The following SAMD11 variants were observed in gnomAD, a reference collection of about 807,000 sequenced individuals.
SAMD11 encodes sterile alpha motif domain containing 11.
In SAMD11, 77 loss-of-function variants were observed where a neutral mutation model predicts 64.4. The ratio of observed to expected loss-of-function variants is 1.20; its 90% CI spans 0.99 to 1.44. The LOEUF (loss-of-function observed/expected upper bound fraction) is 1.44, where lower values mean the gene tolerates loss of function less well. Among genes scored for constraint, SAMD11 ranks in the 40% most tolerant of loss-of-function variants. The probability of loss-of-function intolerance (pLI) is 0.00; values close to 1 mark genes in which losing one functional copy is unlikely to be tolerated. For missense variants in SAMD11, 1,402 were observed against 943.3 expected (o/e 1.49, Z -6.37); for synonymous variants, 658 against 421.9 (o/e 1.56, Z -6.86).
Position 941,322 on chromosome 1 carries a change from C to T in SAMD11, c.1358+16C>T. On this transcript the variant is annotated intron_variant, in intron 8 of 13. Transcript: ENST00000616016. ...TCTCGGAGAGGTACTGGGGTGGCTG[C>T]CGTTCTCTGCTTGTTTCTGGGGTGC... 2 of 1,534,116 alleles carry T rather than the reference C, an allele frequency of 1.3e-6. No individual in the cohort carries two copies. The highest frequency in any genetic ancestry group is 1.8e-6 in the Non-Finnish European group (2 of 1,141,502).
Position 943,946 on chromosome 1 carries a change from C to G in SAMD11, c.2328C>G (p.Ser776Arg). The G allele has an allele frequency of 6.2e-7, 1 of 1,612,694 alleles. No individual in the cohort carries two copies. Among genetic ancestry groups the G allele is most frequent in the Non-Finnish European group, 8.5e-7 (1 of 1,179,850 alleles). The change falls in exon 14 of 14, where the codon AGC (serine) becomes AGG (arginine). Residue 776 changes from serine to arginine, a missense_variant. Transcript: ENST00000616016. ...TGGGCCGAGTTTTCTACGTGGCCAG[C>G]TTCCCCGTGGCTCTGCCACTGCAGC... is the stretch of plus-strand genomic sequence containing the variant. ...RRLGRVFYVA[S>R]FPVALPLQPP...
intron 5 of SAMD11, among the ~76,000 whole-genome samples, chr1:937,869 C>T (rs905635752): frequency 1.3e-5 from 2 of 152,198 alleles, no homozygotes; most frequent in African/African-American, 2.4e-5. Flanking sequence ...TCGGTGTGGC[C>T]GCCGCACTTC....
intron 5 of SAMD11, 109 bp downstream of exon 5, chr1:936,005 G>T: frequency 8.4e-7 from 1 of 1,187,840 alleles, no homozygotes; most frequent in Non-Finnish European, 1.2e-6. Context: ...GAGGCAGGAG[G>T]AGCGGCCTGT....
intron 7 of SAMD11, among the ~76,000 whole-genome samples, chr1:940,717 T>C (rs1006371166): frequency 1.3e-5 from 2 of 152,200 alleles, no homozygotes; most frequent in Non-Finnish European, 2.9e-5. Context: ...TGACAAGCTT[T>C]GGCCAGCCGC....
At chr1:929,374 C>T (rs1191296346) in intron 2 of SAMD11, among the ~76,000 whole-genome samples, 3 of 152,196 alleles carry the variant, frequency 2.0e-5, no homozygotes, top group Non-Finnish European at 4.4e-5. Context: ...GTTTGCGGAA[C>T]AGGGGACCTG....
Position 940,953 on chromosome 1 carries a change from C to T in SAMD11, c.1196-191C>T, listed in dbSNP as rs374219192. ...AAGAGCTTTTCCCGACACTTCCTCG[C>T]CCAGCATCTTGTCTGCCGTCTCGGC... On this transcript the variant is annotated intron_variant, in intron 7 of 13. Transcript: ENST00000616016. 3.7e-4 allele frequency: 199 copies of T among 533,568 alleles called. No individual in the cohort carries two copies. In the African/African-American group the frequency reaches 3.8e-3, roughly 10 times the overall value. 33.1% of individuals were successfully genotyped at this position (533,568 alleles called of 1,614,324 possible).
At chr1:935,708 C>T (rs866142060) in intron 4 of SAMD11, 64 bp from the exon 5 acceptor site, 1 of 1,603,830 alleles carries the variant, frequency 6.2e-7, no homozygotes, top group Non-Finnish European at 8.5e-7. Context: ...ACTCCCTGTG[C>T]CCAGGCTGGG....
At position 943,565 on chromosome 1, in the gene SAMD11, C is replaced by T. The variant is rs1413241886; in HGVS notation, c.2179-133C>T. Reference sequence around the variant, plus strand: ...TTTTTTTTTGCCAGGTGTTTTCTGCCTGACACTCAAACCCAACAGATCACT... The same window carrying T: ...TTTTTTTTTGCCAGGTGTTTTCTGCTTGACACTCAAACCCAACAGATCACT... On this transcript the variant is annotated intron_variant, in intron 12 of 13. Coordinates refer to ENST00000616016, the MANE Select transcript of SAMD11 (RefSeq NM_001385641.1). 1.2e-5 allele frequency: 11 copies of T among 944,296 alleles called. No individual in the cohort carries two copies. The South Asian group carries it at 1.4e-4, about 12-fold the overall frequency. 58.5% of individuals were successfully genotyped at this position (944,296 alleles called of 1,614,324 possible).
At chr1:938,578 A>G (rs1038602453) in intron 5 of SAMD11, among the ~76,000 whole-genome samples, 1 of 152,032 alleles carries the variant, frequency 6.6e-6, no homozygotes, top group Admixed American at 6.6e-5. Context: ...AGTGACTCAC[A>G]GAGCAGCAAG....
At chr1:935,506 C>T (rs1275077866) in intron 4 of SAMD11, among the ~76,000 whole-genome samples, 2 of 152,184 alleles carry the variant, frequency 1.3e-5, no homozygotes, top group Non-Finnish European at 2.9e-5. Context: ...AAGGCAGAGC[C>T]GGCTGGCTGC....
chr1:943,580 A>G, intron 12 of SAMD11, 118 bp from the exon 13 acceptor site: 1 of 1,113,436 alleles, frequency 9.0e-7, no homozygotes, highest in South Asian at 1.9e-5. Flanking sequence ...ACTCAAACCC[A>G]ACAGATCACT....
chr1:932,299 C>A (rs1213009557), intron 4 of SAMD11, among the ~76,000 whole-genome samples: 1 of 152,206 alleles, frequency 6.6e-6, no homozygotes, highest in Admixed American at 6.5e-5. Flanking sequence ...CTCCTGCCTG[C>A]AGCCCCCTCC....
chr1:940,302 C>CCCCCG (rs951132664), intron 7 of SAMD11: 3 of 143,326 alleles, frequency 2.1e-5, no homozygotes, highest in Non-Finnish European at 4.8e-5. Flanking sequence ...CGCCGCCCCC[C>CCCCCG]CCCCCCGCCC....
At position 939,298 on chromosome 1, in the gene SAMD11, C is replaced by A; in HGVS notation, c.1081C>A (p.Leu361Met). 1 of 1,609,382 alleles carries A rather than the reference C, an allele frequency of 6.2e-7. No individual in the cohort carries two copies. The highest frequency in any genetic ancestry group is 8.5e-7 in the Non-Finnish European group (1 of 1,178,624). Residue 361 changes from leucine (L) to methionine (M), a missense_variant, in exon 7 of 14, where the codon CTG becomes ATG. Transcript: ENST00000616016. ...AGAGGCGCTGCTGCTGCCGCGGGAG[C>A]TGGGGCCCAGCATGGCCCCGGAGGA... ...PQEALLLPRE[L>M]GPSMAPEDHY...
intron 4 of SAMD11, among the ~76,000 whole-genome samples, chr1:931,932 C>T (rs1443637068): frequency 6.6e-6 from 1 of 152,128 alleles, no homozygotes; most frequent in Non-Finnish European, 1.5e-5. Context: ...CAGGTCTCAC[C>T]CTGTGGCTTC....
Position 937,086 on chromosome 1 carries a change from C to G in SAMD11, c.967+1190C>G, listed in dbSNP as rs534962538. ...TCTACGGGGCCTCACGTGTCCTGGA[C>G]CCGTGTCCAGGTCTCCCATACGCAC... is the stretch of plus-strand genomic sequence containing the variant. On this transcript the variant is annotated intron_variant, in intron 5 of 13. Coordinates refer to ENST00000616016, the MANE Select transcript of SAMD11 (RefSeq NM_001385641.1). Among the ~76,000 whole-genome samples the G allele has an allele frequency of 3.9e-5, 6 of 152,248 alleles. No homozygotes were observed. The East Asian group carries it at 9.7e-4, about 25-fold the overall frequency.
rs1038374232 is a variant in SAMD11 at position 944,515 on chromosome 1, G to A, written c.*362G>A. ...GGGCTTCAGCAGCCACACCAGCCCA[G>A]CCCAGCCCAGCTCTCGATACGTTTG... On this transcript the variant is annotated 3_prime_UTR_variant, in exon 14 of 14. Transcript: ENST00000616016. 8 of 626,770 alleles carry A rather than the reference G, an allele frequency of 1.3e-5. No individual in the cohort carries two copies. In the East Asian group the frequency reaches 1.8e-4, roughly 14 times the overall value. 38.8% of individuals were successfully genotyped at this position (626,770 alleles called of 1,614,324 possible).
At chr1:935,650 C>A in intron 4 of SAMD11, 122 bp from the exon 5 acceptor site, 2 of 1,342,778 alleles carry the variant, frequency 1.5e-6, no homozygotes, top group Non-Finnish European at 2.1e-6. Flanking sequence ...GTGGGCACAG[C>A]AACGTGGCAC....
At chr1:941,453 C>T (rs373994352) in intron 8 of SAMD11, 147 bp downstream of exon 8, 290 of 824,106 alleles carry the variant, frequency 3.5e-4, no homozygotes, top group East Asian at 1.4e-3. Flanking sequence ...GGGGTGACAC[C>T]GATCTGGGCT....
Sources: allele counts gnomAD v4.1 joint callset (sites outside exome capture counted in the v4.1 genomes callset), GRCh38; gene constraint gnomAD v4.1.1; transcripts MANE v1.5; gene names NCBI Gene and HGNC (gene_info 2026-07-23, HGNC 2026-07-21).